Variants in SNTG1 observed in about 807,000 individuals in gnomAD.
The protein encoded by SNTG1 is syntrophin gamma 1, also known as gamma-1-syntrophin.
A neutral mutation model predicts 74.7 loss-of-function variants in SNTG1; 39 were observed. The ratio of observed to expected loss-of-function variants is 0.52; its 90% CI spans 0.40 to 0.68. The LOEUF (loss-of-function observed/expected upper bound fraction) is 0.68. Ranked by LOEUF, SNTG1 falls within the 30% of genes least tolerant of loss-of-function variation. The pLI is 0.00. For missense variants in SNTG1, 685 were observed against 609.5 expected, an observed-to-expected ratio of 1.12 and a Z score of -1.30; for synonymous variants, 254 against 217.1, an observed-to-expected ratio of 1.17 and a Z score of -1.49.
Position 50,402,234 on chromosome 8 carries a change from CAGG to C in SNTG1, c.54_56del (p.Gln18_Asp19delinsHis). On this transcript the variant is annotated inframe_deletion, in exon 4 of 19. Transcript: ENST00000642720. ...GACAAAGACAGGAATTTGTTTGCTG[CAGG>C]ATGGTAACCAGGAGCCTTTCAAAGT... is the stretch of plus-strand genomic sequence containing the variant. 1 of 1,602,514 alleles carries C rather than the reference CAGG, an allele frequency of 6.2e-7. No individual in the cohort carries two copies. The highest frequency in any genetic ancestry group is 8.5e-7 in the Non-Finnish European group (1 of 1,177,088).
chr8:50,207,305 A>G (rs35584783), intron 2 of SNTG1, among the ~76,000 whole-genome samples: 40,031 of 151,940 alleles, frequency 0.26, 5,371 homozygotes, highest in South Asian at 0.37. Flanking sequence ...GAGGGTGTAT[A>G]TGTCCAGGAA....
At chr8:50,717,898 G>C (rs1195735342) in intron 17 of SNTG1, among the ~76,000 whole-genome samples, 1 of 152,160 alleles carries the variant, frequency 6.6e-6, no homozygotes, top group Non-Finnish European at 1.5e-5. Context: ...CTTTGCTACT[G>C]TGCTACCATC....
intron 2 of SNTG1, among the ~76,000 whole-genome samples, chr8:50,235,123 T>C (rs1027283589): frequency 6.6e-6 from 1 of 152,172 alleles, no homozygotes; most frequent in African/African-American, 2.4e-5. Context: ...GAAATCAGCA[T>C]GCTGAACAGA....
intron 13 of SNTG1, among the ~76,000 whole-genome samples, chr8:50,635,552 C>A (rs544353083): frequency 1.3e-4 from 20 of 152,322 alleles, no homozygotes; most frequent in African/African-American, 4.6e-4. Context: ...GCAGAAGAGT[C>A]TCTCCCCATG....
chr8:50,716,328 A>G (rs1468609612), intron 17 of SNTG1, among the ~76,000 whole-genome samples: 1 of 152,156 alleles, frequency 6.6e-6, no homozygotes, highest in East Asian at 1.9e-4. Flanking sequence ...CTCCTGTGTA[A>G]GTAGAAATCT....
At chr8:50,708,789 T>G in intron 16 of SNTG1, 97 bp from the exon 17 acceptor site, 1 of 666,328 alleles carries the variant, frequency 1.5e-6, no homozygotes, top group Non-Finnish European at 2.6e-6. Context: ...AAATTAGATA[T>G]TGTATGAAGT....
chr8:50,254,864 A>AGAAAGAAAG (rs1554620717), intron 2 of SNTG1, among the ~76,000 whole-genome samples: 24 of 147,416 alleles, frequency 1.6e-4, no homozygotes, highest in African/African-American at 5.5e-4. Context: ...AAAAAAAAAA[A>AGAAAGAAAG]AAAGAAAGAA....
At chr8:50,717,712 A>G (rs888288033) in intron 17 of SNTG1, among the ~76,000 whole-genome samples, 1 of 152,312 alleles carries the variant, frequency 6.6e-6, no homozygotes, top group Non-Finnish European at 1.5e-5. Context: ...TCTAAAATGG[A>G]TATCTTAATA....
chr8:50,402,327 G>C lies in SNTG1; in HGVS notation c.145G>C (p.Glu49Gln). Residue 49 changes from glutamate (E) to glutamine (Q), a missense_variant, in exon 4 of 19, where the codon GAG becomes CAG. Glu to Gln is a conservative substitution (Grantham distance 29). Coordinates refer to ENST00000642720, the MANE Select transcript of SNTG1 (RefSeq NM_018967.5). ...QEQDVICVSG[E>Q]PFYSGERTVT... ...ACAGGATGTGATATGTGTGTCTGGTGAGCCTTTCTATTCTGGTGTAAGTAG... is the reference window on the plus strand; with the variant it reads ...ACAGGATGTGATATGTGTGTCTGGTCAGCCTTTCTATTCTGGTGTAAGTAG... 6.2e-7 allele frequency: 1 copy of C among 1,605,008 alleles called. No homozygotes were observed. Among genetic ancestry groups the C allele is most frequent in the African/African-American group, 1.3e-5 (1 of 74,304 alleles).
Position 50,383,736 on chromosome 8 carries a change from A to G in SNTG1, c.-27-10476A>G, listed in dbSNP as rs541688964. Among the ~76,000 whole-genome samples, 341 of 152,308 alleles carry G rather than the reference A, an allele frequency of 2.2e-3. 4 individuals carry two copies. The highest frequency in any genetic ancestry group is 5.3e-4 in the Non-Finnish European group (36 of 68,024). On this transcript the variant is annotated intron_variant, in intron 2 of 18. Coordinates refer to ENST00000642720, the MANE Select transcript of SNTG1 (RefSeq NM_018967.5). ...GGGGTTATTGCAGTTTTCCATTGGC[A>G]TGAATCACAAGCATGGTAAGACACA...
intron 1 of SNTG1, among the ~76,000 whole-genome samples, chr8:50,080,286 C>A (rs1377744975): frequency 2.6e-5 from 4 of 152,110 alleles, no homozygotes; most frequent in South Asian, 2.1e-4. Context: ...TAGGCAAATT[C>A]TCTGATGGAT....
chr8:50,684,746 T>A (rs1371949171), intron 15 of SNTG1, among the ~76,000 whole-genome samples: 1 of 151,554 alleles, frequency 6.6e-6, no homozygotes, highest in Non-Finnish European at 1.5e-5. Flanking sequence ...TTTTCTTTTT[T>A]TTTATTATAC....
At chr8:50,222,995 T>C (rs910881314) in intron 2 of SNTG1, among the ~76,000 whole-genome samples, 4 of 152,052 alleles carry the variant, frequency 2.6e-5, no homozygotes, top group African/African-American at 9.7e-5. Context: ...TCAATAGAAA[T>C]AGACCAACAG....
At chr8:50,494,118 T>C (rs1430327468) in intron 8 of SNTG1, among the ~76,000 whole-genome samples, 1 of 151,218 alleles carries the variant, frequency 6.6e-6, no homozygotes, top group Admixed American at 6.6e-5. Flanking sequence ...TATATGTATA[T>C]ATACACACAC....
intron 1 of SNTG1, among the ~76,000 whole-genome samples, chr8:49,947,276 G>T (rs1312184849): frequency 1.3e-5 from 2 of 152,086 alleles, no homozygotes; most frequent in Non-Finnish European, 2.9e-5. Context: ...CTCCAGTCTG[G>T]ATGATAAGAG....
At chr8:50,692,460 C>A (rs1306690943) in intron 15 of SNTG1, among the ~76,000 whole-genome samples, 1 of 152,060 alleles carries the variant, frequency 6.6e-6, no homozygotes, top group African/African-American at 2.4e-5. Context: ...GTTAGTTTTC[C>A]TTCCAGCAGA....
At chr8:49,957,958 T>A (rs1490419671) in intron 1 of SNTG1, among the ~76,000 whole-genome samples, 2 of 152,018 alleles carry the variant, frequency 1.3e-5, no homozygotes, top group Non-Finnish European at 2.9e-5. Flanking sequence ...TAAATAAACA[T>A]TATTCAAATG....
At chr8:50,781,627 C>A (rs901067900) in intron 18 of SNTG1, among the ~76,000 whole-genome samples, 3 of 152,168 alleles carry the variant, frequency 2.0e-5, no homozygotes, top group African/African-American at 7.2e-5. Context: ...TTCCTGAATA[C>A]AGCACATTGG....
At chr8:50,161,652 GAT>G (rs1189132458) in intron 1 of SNTG1, among the ~76,000 whole-genome samples, 2 of 152,052 alleles carry the variant, frequency 1.3e-5, no homozygotes, top group African/African-American at 4.8e-5. Context: ...CTGGCCTAGA[GAT>G]AGAATCAGTG....
Sources: gnomAD v4.1 joint callset for allele counts (sites outside exome capture counted in the v4.1 genomes callset) on GRCh38, gnomAD v4.1.1 for gene constraint, MANE v1.5 for transcripts, NCBI Gene and HGNC (gene_info 2026-07-23, HGNC 2026-07-21) for gene names.